HECTD2: variants seen among roughly 807,000 people sequenced by gnomAD.
The protein encoded by HECTD2 is probable E3 ubiquitin-protein ligase HECTD2.
In HECTD2, 35 loss-of-function variants were observed where a neutral mutation model predicts 103.2. The observed-to-expected ratio is 0.34, with a 90% CI of 0.26 to 0.45. The LOEUF is 0.45. Ranked by LOEUF, HECTD2 falls within the 20% of genes least tolerant of loss-of-function variation. The pLI is 1.00. For missense variants in HECTD2, 596 were observed against 937.4 expected (o/e 0.64, Z 4.76); for synonymous variants, 281 against 329.9 (o/e 0.85, Z 1.61).
At chr10:91,431,482 C>G (rs1843865449) in intron 2 of HECTD2, among the ~76,000 whole-genome samples, 1 of 152,130 alleles carries the variant, frequency 6.6e-6, no homozygotes, top group Non-Finnish European at 1.5e-5. Flanking sequence ...TGTTTTCCAA[C>G]TTGGTTCCAT....
chr10:91,461,873 C>T (rs1589510251), intron 4 of HECTD2, among the ~76,000 whole-genome samples: 2 of 152,134 alleles, frequency 1.3e-5, no homozygotes, highest in Admixed American at 1.3e-4. Flanking sequence ...TTTACTTGCT[C>T]TAATGTTCAT....
intron 2 of HECTD2, among the ~76,000 whole-genome samples, chr10:91,428,192 T>C (rs1457442879): frequency 2.0e-5 from 3 of 151,738 alleles, no homozygotes; most frequent in South Asian, 2.1e-4. Flanking sequence ...GTTGTAGATA[T>C]GTGGCGTTAT....
upstream of HECTD2, chr10:91,409,370 T>G (rs1842824914): frequency 6.6e-6 from 1 of 152,136 alleles, no homozygotes; most frequent in East Asian, 1.9e-4. Flanking sequence ...GGCTTTCAAG[T>G]TTTTACTCCT....
At chr10:91,485,418 A>G in intron 10 of HECTD2, 115 bp downstream of exon 10, 1 of 674,676 alleles carries the variant, frequency 1.5e-6, no homozygotes, top group Non-Finnish European at 2.4e-6. Context: ...ATGTATAAAT[A>G]TAGTTCAGAT....
intron 20 of HECTD2, among the ~76,000 whole-genome samples, chr10:91,504,952 A>G (rs1847086900): frequency 6.6e-6 from 1 of 152,240 alleles, no homozygotes; most frequent in African/African-American, 2.4e-5. Flanking sequence ...TACAAGCCAG[A>G]AGAGAGTGGG....
At chr10:91,491,375 A>G (rs932819205) in intron 12 of HECTD2, 68 bp downstream of exon 12, 5 of 758,408 alleles carry the variant, frequency 6.6e-6, no homozygotes, top group Non-Finnish European at 1.1e-5. Context: ...TATAAAAATC[A>G]TAGTAAACTT....
intron 2 of HECTD2, among the ~76,000 whole-genome samples, chr10:91,453,230 G>A (rs968393499): frequency 2.0e-5 from 3 of 152,182 alleles, no homozygotes; most frequent in African/African-American, 7.2e-5. Context: ...CCAAGAGTTT[G>A]AGACCAGCTT....
At chr10:91,437,894 T>C (rs1027156030) in intron 2 of HECTD2, among the ~76,000 whole-genome samples, 2 of 152,104 alleles carry the variant, frequency 1.3e-5, no homozygotes, top group African/African-American at 4.8e-5. Flanking sequence ...AGAAATGATA[T>C]AAACTAGTGG....
At chr10:91,446,241 G>A (rs1418009377) in intron 2 of HECTD2, among the ~76,000 whole-genome samples, 1 of 146,782 alleles carries the variant, frequency 6.8e-6, no homozygotes, top group Non-Finnish European at 1.5e-5. Context: ...AACAGGGTCT[G>A]GAGTGGACCT....
chr10:91,509,132 G>T (rs1847319566), intron 20 of HECTD2, among the ~76,000 whole-genome samples: 1 of 117,864 alleles, frequency 8.5e-6, no homozygotes, highest in African/African-American at 3.2e-5. Flanking sequence ...TGTGGGGTGG[G>T]GGGAGGGGGG....
At chr10:91,474,338 A>G (rs973461611) in intron 5 of HECTD2, among the ~76,000 whole-genome samples, 9 of 152,230 alleles carry the variant, frequency 5.9e-5, no homozygotes, top group Non-Finnish European at 1.3e-4. Context: ...AGAAGAGACT[A>G]TCACTTTAGA....
At chr10:91,483,218 A>G (rs1032894913) in intron 8 of HECTD2, 142 bp downstream of exon 8, 6 of 440,212 alleles carry the variant, frequency 1.4e-5, no homozygotes, top group African/African-American at 1.2e-4. Context: ...AAAGCCAGTT[A>G]CAAAAATCTA....
intron 9 of HECTD2, 35 bp from the exon 10 acceptor site, chr10:91,485,145 G>T (rs1351242940): frequency 6.9e-7 from 1 of 1,445,352 alleles, no homozygotes; most frequent in South Asian, 1.3e-5. Flanking sequence ...TGTACATGTT[G>T]GAAAAAGTCT....
Position 91,439,420 on chromosome 10 carries a change from G to A in HECTD2, c.268+14010G>A, listed in dbSNP as rs543594398. On this transcript the variant is annotated intron_variant, in intron 2 of 20. Transcript: ENST00000298068. ...GGCATTATTTCTGAGACCTTTATCC[G>A]GTTCCATTGGTCTATATATATATAT... 9.9e-5 allele frequency among the ~76,000 whole-genome samples: 15 copies of A among 151,534 alleles called. No individual in the cohort carries two copies. The South Asian group carries it at 2.3e-3, about 23-fold the overall frequency.
chr10:91,411,012 T>A (rs1201151097), intron 1 of HECTD2, among the ~76,000 whole-genome samples: 1 of 152,198 alleles, frequency 6.6e-6, no homozygotes, highest in Non-Finnish European at 1.5e-5. Flanking sequence ...TTTCTTTCCC[T>A]TCCCCCTTCA....
At chr10:91,503,436 G>T (rs1007693588) in intron 20 of HECTD2, among the ~76,000 whole-genome samples, 3 of 151,786 alleles carry the variant, frequency 2.0e-5, no homozygotes, top group African/African-American at 4.9e-5. Flanking sequence ...TGCGCGAGCC[G>T]AAGCAGGGCG....
chr10:91,452,661 C>A (rs968409426), intron 2 of HECTD2, among the ~76,000 whole-genome samples: 6 of 151,984 alleles, frequency 3.9e-5, no homozygotes, highest in African/African-American at 1.2e-4. Flanking sequence ...TGATGCCCTG[C>A]ACCCCCTCAG....
intron 20 of HECTD2, among the ~76,000 whole-genome samples, chr10:91,509,836 T>C (rs992476286): frequency 4.0e-4 from 61 of 152,142 alleles, no homozygotes; most frequent in African/African-American, 1.4e-3. Context: ...ACTTACTTAT[T>C]ACCTGGGTGA....
At chr10:91,451,716 C>T (rs1013036719) in intron 2 of HECTD2, among the ~76,000 whole-genome samples, 1 of 151,964 alleles carries the variant, frequency 6.6e-6, no homozygotes, top group Admixed American at 6.6e-5. Context: ...TTTAAACCCC[C>T]ACACTAATGA....
Sources: gnomAD v4.1 joint callset for allele counts (sites outside exome capture counted in the v4.1 genomes callset) on GRCh38, gnomAD v4.1.1 for gene constraint, MANE v1.5 for transcripts, NCBI Gene and HGNC (gene_info 2026-07-23, HGNC 2026-07-21) for gene names.